The following GRM5 variants were observed in gnomAD, a reference collection of about 807,000 sequenced individuals.
GRM5 encodes glutamate metabotropic receptor 5.
In GRM5, 19 loss-of-function variants were observed where a neutral mutation model predicts 83.1. The observed-to-expected ratio is 0.23, with a 90% CI of 0.16 to 0.34. The LOEUF (loss-of-function observed/expected upper bound fraction) is 0.34, where lower values mean the gene tolerates loss of function less well. Among genes scored for constraint, GRM5 ranks in the 10% least tolerant of loss-of-function variants. GRM5 has a pLI of 1.00. For missense variants in GRM5, 1,160 were observed against 1,588.3 expected (o/e 0.73, Z 4.58); for synonymous variants, 675 against 633.6 (o/e 1.07, Z -0.98).
intron 3 of GRM5, among the ~76,000 whole-genome samples, chr11:88,787,348 T>C (rs1361940412): frequency 6.6e-6 from 1 of 151,926 alleles, no homozygotes; most frequent in Non-Finnish European, 1.5e-5. Flanking sequence ...TTTTTTTATA[T>C]CACAAAAATT....
chr11:89,061,814 G>C, intron 1 of GRM5, among the ~76,000 whole-genome samples: 1 of 152,212 alleles, frequency 6.6e-6, no homozygotes, highest in East Asian at 1.9e-4. Flanking sequence ...GAACATTGAA[G>C]AGTTTGGGCT....
intron 3 of GRM5, among the ~76,000 whole-genome samples, chr11:88,809,649 G>T (rs766950607): frequency 2.6e-5 from 4 of 151,664 alleles, no homozygotes; most frequent in East Asian, 1.9e-4. Flanking sequence ...TTTGGGGAAA[G>T]AAATAAAATA....
chr11:88,710,732 G>A (rs921616783), intron 3 of GRM5, among the ~76,000 whole-genome samples: 9 of 152,054 alleles, frequency 5.9e-5, no homozygotes, highest in Non-Finnish European at 1.0e-4. Flanking sequence ...GCATGCATGC[G>A]TGTTTGTTGG....
chr11:88,660,340 A>C (rs1158514), intron 3 of GRM5, among the ~76,000 whole-genome samples: 103,682 of 152,130 alleles, frequency 0.68, 41,251 homozygotes, highest in Non-Finnish European at 0.9. Flanking sequence ...CAAGTTCTTA[A>C]TTCTTACATT....
At chr11:88,597,579 G>A (rs922884141) in intron 5 of GRM5, among the ~76,000 whole-genome samples, 8 of 152,064 alleles carry the variant, frequency 5.3e-5, no homozygotes, top group African/African-American at 1.9e-4. Context: ...GTAATCCCAT[G>A]TGAGAAGGTG....
intron 2 of GRM5, among the ~76,000 whole-genome samples, chr11:88,954,121 T>C (rs945687805): frequency 6.6e-6 from 1 of 152,238 alleles, no homozygotes; most frequent in Non-Finnish European, 1.5e-5. Flanking sequence ...AGCAGTTTTA[T>C]TCAATGTTAA....
chr11:88,788,940 C>T (rs1408240264), intron 3 of GRM5, among the ~76,000 whole-genome samples: 1 of 152,150 alleles, frequency 6.6e-6, no homozygotes, highest in Non-Finnish European at 1.5e-5. Flanking sequence ...CCTCCTTTAC[C>T]ATGAACCATT....
chr11:88,664,699 G>T (rs1313105138), intron 3 of GRM5, among the ~76,000 whole-genome samples: 3 of 151,890 alleles, frequency 2.0e-5, no homozygotes, highest in African/African-American at 7.3e-5. Context: ...CACCTGCCTC[G>T]GCCTCCCAAA....
intron 4 of GRM5, among the ~76,000 whole-genome samples, chr11:88,651,048 C>G (rs925772338): frequency 9.2e-5 from 14 of 151,960 alleles, no homozygotes; most frequent in Admixed American, 9.2e-4. Context: ...CTTTCCATGA[C>G]TGCAGTAAAG....
At chr11:88,824,244 T>C (rs1366696835) in intron 3 of GRM5, among the ~76,000 whole-genome samples, 1 of 152,206 alleles carries the variant, frequency 6.6e-6, no homozygotes, top group African/African-American at 2.4e-5. Context: ...TTGTTCTGAT[T>C]GGCTTTTGTG....
chr11:89,045,158 A>C (rs562038615), intron 2 of GRM5, among the ~76,000 whole-genome samples: 1 of 152,290 alleles, frequency 6.6e-6, no homozygotes, highest in South Asian at 2.1e-4. Context: ...CTGGTGGTAC[A>C]ACCTAAATAT....
intron 3 of GRM5, among the ~76,000 whole-genome samples, chr11:88,773,426 C>A (rs11021284): frequency 0.22 from 32,834 of 152,064 alleles, 4,713 homozygotes; most frequent in Non-Finnish European, 0.32. Context: ...ATGATAGTTT[C>A]TTTTGTCATG....
intron 2 of GRM5, among the ~76,000 whole-genome samples, chr11:88,994,717 G>A (rs943392168): frequency 3.4e-5 from 5 of 148,932 alleles, no homozygotes; most frequent in African/African-American, 1.2e-4. Context: ...AGTTCTTTTT[G>A]TTTTGTTTTG....
chr11:88,929,189 C>T (rs956723690), intron 2 of GRM5, among the ~76,000 whole-genome samples: 1 of 152,014 alleles, frequency 6.6e-6, no homozygotes, highest in African/African-American at 2.4e-5. Flanking sequence ...ATTGGTCAGC[C>T]TGCACTCCCA....
chr11:88,843,838 A>G (rs11021570), intron 3 of GRM5, among the ~76,000 whole-genome samples: 42,561 of 152,146 alleles, frequency 0.28, 6,922 homozygotes, highest in Non-Finnish European at 0.37. Context: ...GTCAGCCACA[A>G]CATTCTTGTA....
intron 3 of GRM5, among the ~76,000 whole-genome samples, chr11:88,826,982 C>T (rs1369719371): frequency 1.3e-5 from 2 of 152,116 alleles, no homozygotes; most frequent in Admixed American, 1.3e-4. Flanking sequence ...AGTTTCTTGG[C>T]ATATCATTAG....
chr11:88,992,379 G>A (rs1031764747), intron 2 of GRM5, among the ~76,000 whole-genome samples: 1 of 151,948 alleles, frequency 6.6e-6, no homozygotes, highest in Non-Finnish European at 1.5e-5. Context: ...AGGTGCTGGA[G>A]AGGATGTGGA....
chr11:88,669,516 A>G (rs1940139857), intron 3 of GRM5, among the ~76,000 whole-genome samples: 1 of 152,116 alleles, frequency 6.6e-6, no homozygotes, highest in African/African-American at 2.4e-5. Context: ...AACTGTCATT[A>G]GCCAAGAATA....
At chr11:88,965,581 A>G (rs1938929692) in intron 2 of GRM5, among the ~76,000 whole-genome samples, 1 of 152,192 alleles carries the variant, frequency 6.6e-6, no homozygotes, top group Non-Finnish European at 1.5e-5. Flanking sequence ...TGACAAACAC[A>G]CAAACCAAAC....
Sources: gnomAD v4.1 joint callset for allele counts (sites outside exome capture counted in the v4.1 genomes callset) on GRCh38, gnomAD v4.1.1 for gene constraint, MANE v1.5 for transcripts, NCBI Gene and HGNC (gene_info 2026-07-23, HGNC 2026-07-21) for gene names.